Variants in WSCD1 observed in about 807,000 individuals in gnomAD.
WSCD1 encodes sialate:O-sulfotransferase 1.
Under a neutral mutation model 60.4 loss-of-function variants are expected in WSCD1, and 41 were observed. That is an observed-to-expected ratio of 0.68 (90% confidence interval 0.53 to 0.88). The LOEUF (loss-of-function observed/expected upper bound fraction) is 0.88, where lower values mean the gene tolerates loss of function less well. Among genes scored for constraint, WSCD1 ranks in the 40% least tolerant of loss-of-function variants. The pLI is 0.00. For missense variants in WSCD1, 784 were observed against 796.2 expected, an observed-to-expected ratio of 0.98 and a Z score of 0.18; for synonymous variants, 361 against 332.5, an observed-to-expected ratio of 1.09 and a Z score of -0.93.
intron 7 of WSCD1, 22 bp from the exon 8 acceptor site, chr17:6,117,966 A>G: frequency 3.7e-6 from 6 of 1,611,800 alleles, no homozygotes; most frequent in Non-Finnish European, 5.1e-6. Flanking sequence ...TTCCACAGAG[A>G]CCCTCTCATT....
At chr17:6,119,875 T>C (rs1284570536) in intron 8 of WSCD1, among the ~76,000 whole-genome samples, 1 of 152,144 alleles carries the variant, frequency 6.6e-6, no homozygotes, top group East Asian at 1.9e-4. Flanking sequence ...TCCCCCAAAA[T>C]TAATTTCTTA....
At chr17:6,083,422 C>T (rs868019634) in intron 2 of WSCD1, among the ~76,000 whole-genome samples, 4 of 152,212 alleles carry the variant, frequency 2.6e-5, no homozygotes, top group East Asian at 1.9e-4. Flanking sequence ...CTACAAAGCA[C>T]GACCGAGGTC....
intron 4 of WSCD1, 139 bp from the exon 5 acceptor site, chr17:6,094,963 C>T (rs537437166): frequency 4.6e-4 from 603 of 1,299,404 alleles, no homozygotes; most frequent in Non-Finnish European, 6.1e-4. Context: ...CATGCAGGGC[C>T]GTTTTCCCTC....
At chr17:6,114,184 T>C (rs1449577725) in intron 7 of WSCD1, among the ~76,000 whole-genome samples, 1 of 148,918 alleles carries the variant, frequency 6.7e-6, no homozygotes, top group Non-Finnish European at 1.5e-5. Context: ...AATTAAATGC[T>C]GTAATTCACG....
chr17:6,096,569 C>T (rs2150552197), intron 5 of WSCD1, among the ~76,000 whole-genome samples: 1 of 152,304 alleles, frequency 6.6e-6, no homozygotes, highest in Non-Finnish European at 1.5e-5. Context: ...TCCGAAGCCA[C>T]AGCCAAGGAT....
At chr17:6,102,021 A>G (rs1386832238) in intron 5 of WSCD1, among the ~76,000 whole-genome samples, 2 of 152,214 alleles carry the variant, frequency 1.3e-5, no homozygotes, top group African/African-American at 4.8e-5. Context: ...TAGTGATTCT[A>G]CTGATAAAGG....
In WSCD1 at chr17:6,078,561, G is replaced by GGT. The variant is rs67928797; in HGVS notation, c.-288-1792_-288-1791dup. ...CCGGTGGCTCTGCTGGAATGTGGAG[G>GGT]GTGTGTGTGTGTGTGTGTGCGTGTG... On this transcript the variant is annotated intron_variant, in intron 1 of 8. Coordinates refer to ENST00000317744, the MANE Select transcript of WSCD1 (RefSeq NM_015253.2). Among the ~76,000 whole-genome samples the GGT allele has an allele frequency of 7.3e-3, 1,105 of 150,370 alleles. 7 individuals are homozygous for GGT. The highest frequency in any genetic ancestry group is 0.03 in the East Asian group (154 of 5,116).
chr17:6,080,400 G>A lies in WSCD1; in HGVS notation c.-259G>A. The stretch of plus-strand genomic sequence containing the variant: ...CTGCGCCAGGAGATGAGGGGCGGTA[G>A]AGCCCTGGAATGGAGATGTCCTTGA... On this transcript the variant is annotated 5_prime_UTR_variant, in exon 2 of 9. An upstream open reading frame in the 5' UTR loses its in-frame stop. Coordinates refer to ENST00000317744, the MANE Select transcript of WSCD1 (RefSeq NM_015253.2). The surrounding 1 kb of genome is among the most constrained non-coding windows in gnomAD (Gnocchi z 6.6). 5.8e-6 allele frequency: 3 copies of A among 514,836 alleles called. No individual in the cohort carries two copies. Among genetic ancestry groups the A allele is most frequent in the Non-Finnish European group, 1.0e-5 (3 of 294,016 alleles). 31.9% of individuals were successfully genotyped at this position (514,836 alleles called of 1,614,324 possible).
intron 5 of WSCD1, among the ~76,000 whole-genome samples, chr17:6,102,821 CT>C (rs201302513): frequency 3.3e-5 from 5 of 151,712 alleles, no homozygotes; most frequent in South Asian, 2.1e-4. Context: ...CATTTCCTTT[CT>C]TTTTTTTTCT....
In WSCD1 at chr17:6,121,782, T is replaced by G. The variant is rs2150575453; in HGVS notation, c.*1121T>G. 1 of 123,328 alleles carries G rather than the reference T, an allele frequency of 8.1e-6. No homozygotes were observed. Among genetic ancestry groups the G allele is most frequent in the African/African-American group, 3.1e-5 (1 of 32,296 alleles). The allele number at this position is 123,328 out of a possible 1,614,324, so 7.6% of individuals were successfully genotyped here. Reference sequence around the variant, plus strand: ...GTTAGTACTCAGCCTGACCCCTAGGTCTGGTCCTGCCAGCCTGGGATGGGG... The same window carrying G: ...GTTAGTACTCAGCCTGACCCCTAGGGCTGGTCCTGCCAGCCTGGGATGGGG... On this transcript the variant is annotated 3_prime_UTR_variant, in exon 9 of 9. Transcript: ENST00000317744.
chr17:6,069,519 T>C (rs181157692), upstream of WSCD1, among the ~76,000 whole-genome samples: 1 of 151,412 alleles, frequency 6.6e-6, no homozygotes, highest in African/African-American at 2.4e-5. Flanking sequence ...TGTGTGACAT[T>C]GCTTCTGTGG....
chr17:6,113,911 C>G (rs1226553113), intron 7 of WSCD1, among the ~76,000 whole-genome samples: 1 of 152,046 alleles, frequency 6.6e-6, no homozygotes, highest in Non-Finnish European at 1.5e-5. Flanking sequence ...ACTAGTACAG[C>G]TCTTACGGAA....
chr17:6,076,820 C>T (rs1489150407), intron 1 of WSCD1, among the ~76,000 whole-genome samples: 2 of 152,168 alleles, frequency 1.3e-5, no homozygotes, highest in African/African-American at 2.4e-5. Flanking sequence ...TGACTTACCT[C>T]GTGGCTTGGC....
intron 5 of WSCD1, among the ~76,000 whole-genome samples, chr17:6,096,939 G>A (rs907890886): frequency 6.6e-6 from 1 of 152,204 alleles, no homozygotes; most frequent in Non-Finnish European, 1.5e-5. Flanking sequence ...GCCTTCCTGC[G>A]GGGGGTTATC....
intron 2 of WSCD1, among the ~76,000 whole-genome samples, chr17:6,082,681 C>T (rs1412383641): frequency 1.3e-5 from 2 of 152,200 alleles, no homozygotes; most frequent in African/African-American, 4.8e-5. Flanking sequence ...GCCCTGCACC[C>T]GAAGTCAGAA....
intron 5 of WSCD1, among the ~76,000 whole-genome samples, chr17:6,107,706 G>C (rs1911170938): frequency 1.3e-5 from 2 of 152,160 alleles, no homozygotes; most frequent in South Asian, 2.1e-4. Flanking sequence ...TGATGAAGGT[G>C]TTGGTGTGGA....
intron 1 of WSCD1, among the ~76,000 whole-genome samples, chr17:6,079,467 G>A (rs76165601): frequency 0.017 from 2,597 of 152,332 alleles, 64 homozygotes; most frequent in African/African-American, 0.058. Flanking sequence ...TGACAGCTGA[G>A]TCCTGGGGAG....
chr17:6,081,415 A>T (rs570968208), intron 2 of WSCD1, among the ~76,000 whole-genome samples: 1 of 152,126 alleles, frequency 6.6e-6, no homozygotes, highest in East Asian at 1.9e-4. Context: ...AGTTTCATTG[A>T]ATATATGAAA....
chr17:6,114,153 TAAAA>T (rs370433776), intron 7 of WSCD1, among the ~76,000 whole-genome samples: 3 of 125,198 alleles, frequency 2.4e-5, no homozygotes, highest in Non-Finnish European at 3.2e-5. Context: ...TAGTTAGCCG[TAAAA>T]AAAAAAAAAA....
Sources: allele counts gnomAD v4.1 joint callset (sites outside exome capture counted in the v4.1 genomes callset), GRCh38; gene constraint gnomAD v4.1.1; non-coding constraint Gnocchi (gnomAD v3.1); transcripts MANE v1.5; gene names NCBI Gene and HGNC (gene_info 2026-07-23, HGNC 2026-07-21).